SLCO3A1: variants seen among roughly 807,000 people sequenced by gnomAD.
The protein encoded by SLCO3A1 is PGE1 transporter.
SLCO3A1 carries 27 observed loss-of-function variants against 63.1 expected under a neutral mutation model. That is an observed-to-expected ratio of 0.43 (90% CI 0.32 to 0.59). The LOEUF is 0.59. SLCO3A1 is among the 20% of genes least tolerant of loss of function. SLCO3A1 has a pLI of 0.09. For missense variants in SLCO3A1, 773 were observed against 945.8 expected, an observed-to-expected ratio of 0.82 and a Z score of 2.40; for synonymous variants, 473 against 409.9, an observed-to-expected ratio of 1.15 and a Z score of -1.86.
intron 4 of SLCO3A1, among the ~76,000 whole-genome samples, chr15:92,107,556 A>G (rs139184519): frequency 3.9e-5 from 6 of 152,350 alleles, no homozygotes; most frequent in Admixed American, 2.6e-4. Context: ...GTGGGTTTCA[A>G]TAAGCTGAAC....
intron 2 of SLCO3A1, among the ~76,000 whole-genome samples, chr15:91,937,005 A>G (rs1220271653): frequency 2.0e-5 from 3 of 152,202 alleles, no homozygotes; most frequent in African/African-American, 7.2e-5. Flanking sequence ...CTGAATCTGC[A>G]AAGAGGAAGA....
At chr15:92,091,828 T>C (rs535636832) in intron 2 of SLCO3A1, among the ~76,000 whole-genome samples, 1 of 152,380 alleles carries the variant, frequency 6.6e-6, no homozygotes, top group African/African-American at 2.4e-5. Context: ...AACTCCGTCC[T>C]GTTCCTTTTT....
At chr15:92,151,204 G>A (rs971538565) in intron 9 of SLCO3A1, 190 bp downstream of exon 9, 16 of 551,240 alleles carry the variant, frequency 2.9e-5, no homozygotes, top group African/African-American at 1.7e-4. Context: ...TCGATATCAC[G>A]AAGTTCTCAT....
In SLCO3A1 at chr15:91,967,309, G is replaced by A. The variant is rs1900695370; in HGVS notation, c.646+50851G>A. On this transcript the variant is annotated intron_variant, in intron 2 of 9. Coordinates refer to ENST00000318445, the MANE Select transcript of SLCO3A1 (RefSeq NM_013272.4). This position sits in a 1 kb window ranked among gnomAD's most constrained non-coding sequence, Gnocchi z 4.4. ...GCATGTTGCAGAGGTATAAGAGGAAGCAGAGAGTACTGTTTTCTAGATTAA... is the reference window on the plus strand; with the variant it reads ...GCATGTTGCAGAGGTATAAGAGGAAACAGAGAGTACTGTTTTCTAGATTAA... Among the ~76,000 whole-genome samples, 1 of 152,218 alleles carries A rather than the reference G, an allele frequency of 6.6e-6. No homozygotes were observed.
At chr15:92,171,748 C>G in intron 10 of SLCO3A1, 1 of 1,461,994 alleles carries the variant, frequency 6.8e-7, no homozygotes, top group Middle Eastern at 1.7e-4. Context: ...TCTCTTTTTC[C>G]TCTTGGCTCT....
At chr15:92,001,956 T>C (rs2046260393) in intron 2 of SLCO3A1, among the ~76,000 whole-genome samples, 1 of 150,598 alleles carries the variant, frequency 6.6e-6, no homozygotes, top group African/African-American at 2.4e-5. Flanking sequence ...CCTAGAGAGA[T>C]ACCTGCTCAA....
chr15:92,126,355 G>A, intron 6 of SLCO3A1, 96 bp downstream of exon 6: 2 of 953,632 alleles, frequency 2.1e-6, no homozygotes, highest in South Asian at 2.8e-5. Context: ...TGTTCCTAGT[G>A]ACCTGAGGAG....
intron 7 of SLCO3A1, among the ~76,000 whole-genome samples, chr15:92,133,222 C>T (rs1480882844): frequency 6.8e-6 from 1 of 146,298 alleles, no homozygotes; most frequent in Non-Finnish European, 1.5e-5. Flanking sequence ...TATCATCACC[C>T]CCAGTGAAGA....
rs535503892 is a variant in SLCO3A1, at chr15:92,114,196, C to T, written c.1010-6269C>T. Reference sequence around the variant, plus strand: ...AAGCAAGGGTCTGAATATGTTTCCACCCAGACAGTGAACCTGTGGCATGTC... The same window carrying T: ...AAGCAAGGGTCTGAATATGTTTCCATCCAGACAGTGAACCTGTGGCATGTC... On this transcript the variant is annotated intron_variant, in intron 4 of 9. Transcript: ENST00000318445. 6.7e-4 allele frequency among the ~76,000 whole-genome samples: 102 copies of T among 152,254 alleles called. 1 individual carries two copies. The highest frequency in any genetic ancestry group is 1.1e-3 in the Non-Finnish European group (78 of 68,020).
At chr15:92,159,181 G>T (rs925158965) in intron 9 of SLCO3A1, among the ~76,000 whole-genome samples, 1 of 152,108 alleles carries the variant, frequency 6.6e-6, no homozygotes, top group African/African-American at 2.4e-5. Flanking sequence ...AGGACTTTTG[G>T]CACCTTAAAA....
chr15:92,148,662 A>G (rs544026393), intron 8 of SLCO3A1: 1 of 152,356 alleles, frequency 6.6e-6, no homozygotes, highest in Admixed American at 6.5e-5. Flanking sequence ...AGAGCCATAC[A>G]AATATTCAGA....
At chr15:91,981,504 T>A (rs1257542074) in intron 2 of SLCO3A1, among the ~76,000 whole-genome samples, 3 of 152,300 alleles carry the variant, frequency 2.0e-5, no homozygotes, top group East Asian at 3.9e-4. Context: ...TTTCCTCTAG[T>A]TCTTCCCATC....
intron 1 of SLCO3A1, among the ~76,000 whole-genome samples, chr15:91,864,932 C>G (rs1270439608): frequency 6.6e-6 from 1 of 152,234 alleles, no homozygotes; most frequent in Non-Finnish European, 1.5e-5. Flanking sequence ...CCGTCCCTGA[C>G]AGGATGTCAC....
At chr15:91,918,465 A>C (rs780767898) in intron 2 of SLCO3A1, among the ~76,000 whole-genome samples, 3 of 152,162 alleles carry the variant, frequency 2.0e-5, no homozygotes, top group Non-Finnish European at 2.9e-5. Context: ...TGGAGATGAT[A>C]GTTCTGGGTT....
chr15:92,012,704 G>A (rs1035438237), intron 2 of SLCO3A1, among the ~76,000 whole-genome samples: 1 of 147,880 alleles, frequency 6.8e-6, no homozygotes, highest in East Asian at 2.0e-4. Flanking sequence ...TGAGTTCAAG[G>A]TCAGCCTGGG....
At chr15:91,995,449 T>C (rs1188837624) in intron 2 of SLCO3A1, among the ~76,000 whole-genome samples, 1 of 152,206 alleles carries the variant, frequency 6.6e-6, no homozygotes, top group Non-Finnish European at 1.5e-5. Context: ...GCTAGTGTCA[T>C]AGGAAGCTAA....
At chr15:92,100,107 A>G (rs1345879333) in intron 3 of SLCO3A1, among the ~76,000 whole-genome samples, 1 of 152,010 alleles carries the variant, frequency 6.6e-6, no homozygotes, top group Non-Finnish European at 1.5e-5. Flanking sequence ...AAATGGATCT[A>G]GAAAAGGAGA....
At chr15:91,932,780 A>G (rs754678990) in intron 2 of SLCO3A1, among the ~76,000 whole-genome samples, 11 of 152,238 alleles carry the variant, frequency 7.2e-5, no homozygotes, top group Non-Finnish European at 1.5e-4. Flanking sequence ...TCAAAACATA[A>G]TCACAATCCC....
chr15:92,024,188 T>C lies in SLCO3A1; in HGVS notation c.647-70693T>C, dbSNP rs536543861. On this transcript the variant is annotated intron_variant, in intron 2 of 9. Transcript: ENST00000318445. ...CATGAATGAAAAAAGCAAAAGAAAC[T>C]GATGCAATCCCCACTTCCATACATA... Among the ~76,000 whole-genome samples, 67 of 152,384 alleles carry C rather than the reference T, an allele frequency of 4.4e-4. 1 individual carries two copies. Among genetic ancestry groups the C allele is most frequent in the African/African-American group, 1.6e-3 (65 of 41,598 alleles).
Sources: gnomAD v4.1 joint callset for allele counts (sites outside exome capture counted in the v4.1 genomes callset) on GRCh38, gnomAD v4.1.1 for gene constraint, Gnocchi (gnomAD v3.1) non-coding constraint, MANE v1.5 for transcripts, NCBI Gene and HGNC (gene_info 2026-07-23, HGNC 2026-07-21) for gene names.